Variants in ITGA7 observed in about 807,000 individuals in gnomAD.
The protein encoded by ITGA7 is integrin subunit alpha 7.
ITGA7 carries 84 observed loss-of-function variants against 131.6 expected under a neutral mutation model. The ratio of observed to expected loss-of-function variants is 0.64; its 90% CI spans 0.54 to 0.77. The LOEUF is 0.77. Ranked by LOEUF, ITGA7 falls within the 30% of genes least tolerant of loss-of-function variation. The pLI is 0.00. For missense variants in ITGA7, 1,399 were observed against 1,482.9 expected (o/e 0.94, Z 0.93); for synonymous variants, 548 against 600.7 (o/e 0.91, Z 1.28).
chr12:55,716,071 G>GTT (rs752447896), upstream of ITGA7: 31 of 1,569,286 alleles, frequency 2.0e-5, no homozygotes, highest in East Asian at 7.2e-4. Flanking sequence ...GGGAGCCGAG[G>GTT]TGAGCGTTCC....
chr12:55,704,879 A>G (rs932111229), intron 1 of ITGA7, among the ~76,000 whole-genome samples: 1 of 152,156 alleles, frequency 6.6e-6, no homozygotes, highest in Admixed American at 6.5e-5. Context: ...AGCCCTGCAT[A>G]AATAAATGGC....
chr12:55,707,553 T>A lies in ITGA7; in HGVS notation c.130A>T (p.Lys44Ter), dbSNP rs112775765. Residue 44 changes from lysine to a stop codon, truncating the protein, a stop_gained, in exon 1 of 25, where the codon AAG becomes TAG. Transcript: ENST00000257879. LOFTEE classifies it high-confidence loss of function. Reference protein sequence around the residue: ...FNLDVMGALRKEGEPGSLFGF... With the variant: ...FNLDVMGALR ...AAGAGGCTGCCTGGCTCGCCCTCCT[T>A]GCGCAAGGCACCCATCACGTCCAGA... 6.2e-7 allele frequency: 1 copy of A among 1,613,656 alleles called. No individual in the cohort carries two copies. The highest frequency in any genetic ancestry group is 1.1e-5 in the South Asian group (1 of 91,050).
At chr12:55,698,326 T>C in intron 7 of ITGA7, 57 bp downstream of exon 7, 1 of 1,484,352 alleles carries the variant, frequency 6.7e-7, no homozygotes, top group South Asian at 1.3e-5. Flanking sequence ...TCTGAGGGGC[T>C]TCCCCATCCC....
At chr12:55,712,423 C>CTAGG, upstream of ITGA7, 1 of 646,830 alleles carries the variant, frequency 1.5e-6, no homozygotes, top group South Asian at 1.8e-5. Flanking sequence ...TCCCTCAGCC[C>CTAGG]TCATCCAACC....
At chr12:55,690,425 T>C (rs7485374) in intron 21 of ITGA7, among the ~76,000 whole-genome samples, 66,355 of 141,334 alleles carry the variant, frequency 0.47, 17,099 homozygotes, top group East Asian at 0.93. Context: ...CAATGAGATA[T>C]CATCTCACAC....
In ITGA7 at chr12:55,707,594, C is replaced by T; in HGVS notation, c.89G>A (p.Arg30Gln). Residue 30 changes from arginine (R) to glutamine (Q), a missense_variant, in exon 1 of 25, where the codon CGG (arginine) becomes CAG (glutamine). Arg to Gln is a conservative substitution (Grantham distance 43). Coordinates refer to ENST00000257879, the MANE Select transcript of ITGA7 (RefSeq NM_002206.3). ...GSLLVELLFS[R>Q]AVAFNLDVMG... ...CACGTCCAGATTGAAGGCGACAGCC[C>T]GTGAGAAGAGCAGTTCGACGAGCAG... 2 of 1,613,452 alleles carry T rather than the reference C, an allele frequency of 1.2e-6. No individual in the cohort carries two copies. Among genetic ancestry groups the T allele is most frequent in the Non-Finnish European group, 1.7e-6 (2 of 1,179,760 alleles).
intron 3 of ITGA7, among the ~76,000 whole-genome samples, chr12:55,701,661 G>A (rs1006440825): frequency 1.3e-5 from 2 of 151,504 alleles, no homozygotes; most frequent in African/African-American, 4.9e-5. Context: ...GCTCACTGCA[G>A]CCTCGACCTC....
intron 5 of ITGA7, 62 bp downstream of exon 5, chr12:55,699,808 C>T (rs1176190471): frequency 1.9e-6 from 3 of 1,561,186 alleles, no homozygotes; most frequent in African/African-American, 1.4e-5. Flanking sequence ...GGTCGAGTTC[C>T]CTGGGGAAGG....
At chr12:55,714,510 T>C, upstream of ITGA7, among the ~76,000 whole-genome samples, 1 of 104,818 alleles carries the variant, frequency 9.5e-6, no homozygotes, top group African/African-American at 5.9e-5. Flanking sequence ...AGAGCGAGAC[T>C]CCGTCTCAAA....
chr12:55,701,437 CAATT>C, intron 3 of ITGA7: 1 of 1,551,622 alleles, frequency 6.4e-7, no homozygotes, highest in South Asian at 1.2e-5. Context: ...CCAAAAGACA[CAATT>C]AAGCCACCAC....
At chr12:55,716,098 G>A (rs1308593892), upstream of ITGA7, 3 of 1,596,318 alleles carry the variant, frequency 1.9e-6, no homozygotes, top group Non-Finnish European at 2.6e-6. Context: ...CGGAGCCGGA[G>A]GGGGCCCGGC....
chr12:55,695,454 G>A, intron 14 of ITGA7, 68 bp downstream of exon 14: 1 of 1,105,180 alleles, frequency 9.0e-7, no homozygotes, highest in Non-Finnish European at 1.4e-6. Context: ...TGGTCCTCCT[G>A]AGAGGGCTTT....
Position 55,688,931 on chromosome 12 carries a change from A to G in ITGA7, c.2871T>C (p.Cys957=). The G allele has an allele frequency of 6.2e-7, 1 of 1,614,000 alleles. No individual in the cohort carries two copies. The highest frequency in any genetic ancestry group is 1.1e-5 in the South Asian group (1 of 91,070). The change falls in exon 22 of 25, where the codon TGT becomes TGC. Residue 957 remains cysteine (C), a synonymous_variant. Coordinates refer to ENST00000257879, the MANE Select transcript of ITGA7 (RefSeq NM_002206.3). ...TGTAGAGTGGGCAGCTGAACACCAC[A>G]CAGTTGGCCGTGCCCCGGGCGCAGT... ...TLDCARGTAN[C]VVFSCPLYSF... is the part of the protein sequence containing the mutation.
chr12:55,700,892 G>T lies in ITGA7; in HGVS notation c.670+7C>A. On this transcript the variant is annotated splice_region_variant and intron_variant, in intron 4 of 24. Coordinates refer to ENST00000257879, the MANE Select transcript of ITGA7 (RefSeq NM_002206.3). ...TCCCCTTCTCCCCTTCCCGAGGAGTGACTCACCCTTCCAATTATAGGTTCC... is the reference window on the plus strand; with the variant it reads ...TCCCCTTCTCCCCTTCCCGAGGAGTTACTCACCCTTCCAATTATAGGTTCC... 1 of 1,614,170 alleles carries T rather than the reference G, an allele frequency of 6.2e-7. No individual in the cohort carries two copies. Among genetic ancestry groups the T allele is most frequent in the South Asian group, 1.1e-5 (1 of 91,054 alleles).
At position 55,694,834 on chromosome 12, in the gene ITGA7, G is replaced by A. The variant is rs1872279748; in HGVS notation, c.2140C>T (p.Leu714=). ...TGCAGTGAGTCAGGAAGCATGACCAGGAGCTGGGCTTCATGGGCATCATCC... is the reference window on the plus strand; with the variant it reads ...TGCAGTGAGTCAGGAAGCATGACCAAGAGCTGGGCTTCATGGGCATCATCC... ...DGDDAHEAQL[L]VMLPDSLHYS... Residue 714 remains leucine, a synonymous_variant, in exon 15 of 25, where the codon CTG becomes TTG. Transcript: ENST00000257879. This position sits in a 1 kb window ranked among gnomAD's most constrained non-coding sequence, Gnocchi z 5.3. The A allele has an allele frequency of 6.2e-7, 1 of 1,614,064 alleles. No homozygotes were observed. Among genetic ancestry groups the A allele is most frequent in the South Asian group, 1.1e-5 (1 of 91,078 alleles).
Position 55,697,279 on chromosome 12 carries a change from T to C in ITGA7, c.1506-2A>G, listed in dbSNP as rs1565627745. 6.3e-7 allele frequency: 1 copy of C among 1,592,442 alleles called. No homozygotes were observed. The highest frequency in any genetic ancestry group is 8.6e-7 in the Non-Finnish European group (1 of 1,169,522). On this transcript the variant is annotated splice_acceptor_variant, in intron 10 of 24. Transcript: ENST00000257879. LOFTEE classifies it high-confidence loss of function. ...CTGAAACAGACCCTTAGGTCCACACTGCGGGGGCAAAGGTGGCTCCTGAGC... is the reference window on the plus strand; with the variant it reads ...CTGAAACAGACCCTTAGGTCCACACCGCGGGGGCAAAGGTGGCTCCTGAGC...
rs1364906979 is a variant in ITGA7 at position 55,707,597 on chromosome 12, G to A, written c.86C>T (p.Ser29Leu). The A allele has an allele frequency of 1.2e-6, 2 of 1,613,560 alleles. No homozygotes were observed. The highest frequency in any genetic ancestry group is 1.7e-5 in the Admixed American group (1 of 59,922). Residue 29 changes from serine (S) to leucine (L), a missense_variant, in exon 1 of 25, where the codon TCA becomes TTA. Coordinates refer to ENST00000257879, the MANE Select transcript of ITGA7 (RefSeq NM_002206.3). ...GTCCAGATTGAAGGCGACAGCCCGT[G>A]AGAAGAGCAGTTCGACGAGCAGGGA... The part of the protein sequence containing the change: ...FGSLLVELLF[S>L]RAVAFNLDVM...
rs749852703 is a variant in ITGA7 at position 55,688,869 on chromosome 12, C to T, written c.2933G>A (p.Arg978His). The T allele has an allele frequency of 6.2e-7, 1 of 1,613,916 alleles. No individual in the cohort carries two copies. Among genetic ancestry groups the T allele is most frequent in the Non-Finnish European group, 8.5e-7 (1 of 1,179,860 alleles). Residue 978 changes from arginine (R) to histidine (H), a missense_variant, in exon 22 of 25, where the codon CGT becomes CAT. Transcript: ENST00000257879. ...CTCCAGAAAGGTGCTGTTCCAGAGA[C>T]GGCCCCAGACATGCAGCACAGCCGC... ...DRAAVLHVWG[R>H]LWNSTFLEEY...
At chr12:55,704,599 C>G (rs1852989278) in intron 1 of ITGA7, among the ~76,000 whole-genome samples, 2 of 152,182 alleles carry the variant, frequency 1.3e-5, no homozygotes, top group Admixed American at 1.3e-4. Context: ...TGCCAAGCAC[C>G]AGGATAGGCA....
Sources: allele counts gnomAD v4.1 joint callset (sites outside exome capture counted in the v4.1 genomes callset), GRCh38; gene constraint gnomAD v4.1.1; non-coding constraint Gnocchi (gnomAD v3.1); transcripts MANE v1.5; gene names NCBI Gene and HGNC (gene_info 2026-07-23, HGNC 2026-07-21).